The following NUCB2 variants were observed in gnomAD, a reference collection of about 807,000 sequenced individuals.
NUCB2 encodes the protein nucleobindin 2, also known as nucleobindin-2.
In NUCB2, 48 loss-of-function variants were observed where a neutral mutation model predicts 57.9. The ratio of observed to expected loss-of-function variants is 0.83; its 90% CI spans 0.66 to 1.05. NUCB2 has a LOEUF of 1.05. NUCB2 is among the 50% of genes least tolerant of loss of function. NUCB2 has a pLI of 0.00. For synonymous variants in NUCB2, 139 were observed against 152.1 expected, an observed-to-expected ratio of 0.91 and a Z score of 0.64; for missense variants, 442 against 476.2, an observed-to-expected ratio of 0.93 and a Z score of 0.67.
chr11:17,285,218 G>A (rs1484522120), intron 2 of NUCB2, among the ~76,000 whole-genome samples: 1 of 152,064 alleles, frequency 6.6e-6, no homozygotes, highest in Non-Finnish European at 1.5e-5. Context: ...ACAAGGTCAG[G>A]AGATCAAGAC....
chr11:17,324,791 T>C (rs1029540204), intron 11 of NUCB2, among the ~76,000 whole-genome samples: 24 of 87,538 alleles, frequency 2.7e-4, no homozygotes, highest in African/African-American at 6.9e-4. Flanking sequence ...TATTTATTTA[T>C]TTATTTATTT....
At chr11:17,347,258 T>C (rs1952820183) in intron 2 of NUCB2, among the ~76,000 whole-genome samples, 2 of 152,234 alleles carry the variant, frequency 1.3e-5, no homozygotes, top group Admixed American at 1.3e-4. Context: ...TTTGAGTTTC[T>C]ACCTTTCCAA....
chr11:17,278,170 CTTTTTT>C (rs35441492), intron 1 of NUCB2, among the ~76,000 whole-genome samples: 2 of 85,128 alleles, frequency 2.3e-5, no homozygotes, highest in Non-Finnish European at 4.5e-5. Flanking sequence ...TTTTACCCAT[CTTTTTT>C]TTTTTTTTTT....
At chr11:17,314,132 C>T (rs2139016498) in intron 10 of NUCB2, among the ~76,000 whole-genome samples, 1 of 152,206 alleles carries the variant, frequency 6.6e-6, no homozygotes, top group Middle Eastern at 3.4e-3. Flanking sequence ...TCTTTCCTCA[C>T]ATCCTGCATT....
At chr11:17,334,445 G>T (rs551565463), downstream of NUCB2, 3 of 152,378 alleles carry the variant, frequency 2.0e-5, no homozygotes, top group South Asian at 6.2e-4. Context: ...TCCTGCCTCT[G>T]TCCCCACGTT....
intron 11 of NUCB2, among the ~76,000 whole-genome samples, chr11:17,326,210 G>A (rs1174968343): frequency 1.3e-5 from 2 of 151,732 alleles, no homozygotes; most frequent in East Asian, 1.9e-4. Context: ...ATGTTGGTCA[G>A]GCTGGTCTCG....
At chr11:17,326,483 A>G (rs747392561) in intron 11 of NUCB2, among the ~76,000 whole-genome samples, 2 of 139,096 alleles carry the variant, frequency 1.4e-5, no homozygotes, top group East Asian at 4.4e-4. Context: ...ACACGCGGCT[A>G]ATTTTTTGTA....
intron 2 of NUCB2, among the ~76,000 whole-genome samples, chr11:17,293,031 A>T (rs796326838): frequency 6.6e-6 from 1 of 152,050 alleles, no homozygotes; most frequent in Non-Finnish European, 1.5e-5. Flanking sequence ...AGCTGGGTGG[A>T]TCATCTGAGG....
intron 8 of NUCB2, among the ~76,000 whole-genome samples, chr11:17,311,667 C>A (rs1948506317): frequency 6.6e-6 from 1 of 152,148 alleles, no homozygotes; most frequent in Non-Finnish European, 1.5e-5. Context: ...GCTTTCCTTA[C>A]AAATGATTAT....
chr11:17,311,492 C>G (rs540776687), intron 8 of NUCB2, among the ~76,000 whole-genome samples: 80 of 152,174 alleles, frequency 5.3e-4, no homozygotes, highest in African/African-American at 1.8e-3. Context: ...CTGGCTTTTA[C>G]TGTTGAGTCA....
At chr11:17,341,572 A>T (rs1952269311) in intron 2 of NUCB2, among the ~76,000 whole-genome samples, 1 of 152,166 alleles carries the variant, frequency 6.6e-6, no homozygotes. Context: ...TATTGAGATA[A>T]TCATGTGGTT....
At chr11:17,280,995 A>G (rs1942437739) in intron 1 of NUCB2, among the ~76,000 whole-genome samples, 1 of 152,196 alleles carries the variant, frequency 6.6e-6, no homozygotes, top group Non-Finnish European at 1.5e-5. Context: ...GAGCTGAAAT[A>G]GCGCCAATGT....
intron 2 of NUCB2, among the ~76,000 whole-genome samples, chr11:17,348,319 G>GGTTTTTTTTTTT (rs1952917777): frequency 1.2e-5 from 1 of 84,450 alleles, no homozygotes; most frequent in African/African-American, 5.0e-5. Context: ...TTGTTTTTGT[G>GGTTTTTTTTTTT]TTTTTTTTTT....
rs770523721 is a variant in NUCB2 at position 17,312,000 on chromosome 11, CATGTTCATTTAAA to C, written c.820-25_820-13del. The C allele has an allele frequency of 1.3e-6, 2 of 1,540,994 alleles. No homozygotes were observed. Among genetic ancestry groups the C allele is most frequent in the East Asian group, 4.5e-5 (2 of 44,338 alleles). On this transcript the variant is annotated splice_polypyrimidine_tract_variant and intron_variant, in intron 9 of 13. Transcript: ENST00000529010. ...TTTTTCCTGTTACTTTCTTTCCTTT[CATGTTCATTTAAA>C]ATTTTTCTTTTTAGTTGGAGAAAGT...
In NUCB2 at chr11:17,294,078, T is replaced by C. The variant is rs138352070; in HGVS notation, c.1-1246T>C. Among the ~76,000 whole-genome samples the C allele has an allele frequency of 4.6e-3, 701 of 152,334 alleles. 9 individuals carry two copies. The highest frequency in any genetic ancestry group is 0.016 in the African/African-American group (670 of 41,580). On this transcript the variant is annotated intron_variant, in intron 2 of 13. Transcript: ENST00000529010. ...TCAAAAAACCCAAAATGCACACCTA[T>C]GTATGTGTGGACAAGAAGCATGAAT...
At chr11:17,296,859 A>G (rs900547016) in intron 4 of NUCB2, among the ~76,000 whole-genome samples, 8 of 152,178 alleles carry the variant, frequency 5.3e-5, no homozygotes, top group Admixed American at 2.0e-4. Flanking sequence ...GACAGTAGGA[A>G]GTTATTCAAA....
chr11:17,285,829 T>C lies in NUCB2; in HGVS notation c.-1+2886T>C, dbSNP rs571858897. On this transcript the variant is annotated intron_variant, in intron 2 of 13. Transcript: ENST00000529010. ...AGAGAAAATTTTCAGTTTTCTGTAC[T>C]TTTCACCCTGGTTATCTATGGTAAT... Among the ~76,000 whole-genome samples the C allele has an allele frequency of 3.8e-3, 579 of 151,742 alleles. 4 individuals are homozygous for C. Among genetic ancestry groups the C allele is most frequent in the African/African-American group, 9.7e-3 (400 of 41,356 alleles).
intron 2 of NUCB2, among the ~76,000 whole-genome samples, chr11:17,344,199 CT>C (rs1591647486): frequency 6.6e-6 from 1 of 152,106 alleles, no homozygotes; most frequent in African/African-American, 2.4e-5. Flanking sequence ...AGTTCTTTGA[CT>C]TTTTTGTATC....
intron 11 of NUCB2, among the ~76,000 whole-genome samples, chr11:17,319,682 T>G (rs1282449475): frequency 5.9e-5 from 9 of 152,244 alleles, no homozygotes; most frequent in African/African-American, 1.9e-4. Flanking sequence ...GAATTTACAC[T>G]GATATCTCCA....
Sources: allele counts gnomAD v4.1 joint callset (sites outside exome capture counted in the v4.1 genomes callset), GRCh38; gene constraint gnomAD v4.1.1; transcripts MANE v1.5; gene names NCBI Gene and HGNC (gene_info 2026-07-23, HGNC 2026-07-21).